Variants in MXD3 observed in about 807,000 individuals in gnomAD.
The protein encoded by MXD3 is Max-associated protein 3.
A neutral mutation model predicts 27.5 loss-of-function variants in MXD3; 20 were observed. The ratio of observed to expected loss-of-function variants is 0.73; its 90% CI spans 0.51 to 1.06. The LOEUF is 1.06. Among genes scored for constraint, MXD3 ranks in the 50% least tolerant of loss-of-function variants. The probability of loss-of-function intolerance (pLI) is 0.00; values close to 1 mark genes in which losing one functional copy is unlikely to be tolerated. For missense variants in MXD3, 298 were observed against 291.3 expected (o/e 1.02, Z -0.17); for synonymous variants, 150 against 130.7 (o/e 1.15, Z -1.01).
chr5:177,306,231 C>A (rs753970231), downstream of MXD3: 14 of 1,583,756 alleles, frequency 8.8e-6, no homozygotes, highest in African/African-American at 1.2e-4. Flanking sequence ...TTCAGCCTAG[C>A]GGGCGTGGAG....
At chr5:177,305,769 C>G, downstream of MXD3, 1 of 945,128 alleles carries the variant, frequency 1.1e-6, no homozygotes, top group Non-Finnish European at 1.6e-6. Flanking sequence ...AATGGATTTT[C>G]ATTGTATTGC....
chr5:177,312,101 G>C, upstream of MXD3: 1 of 1,156,446 alleles, frequency 8.6e-7, no homozygotes, highest in Non-Finnish European at 1.1e-6. Context: ...CCTGGCCCTG[G>C]AGCGAACCCT....
At chr5:177,306,541 A>C (rs1488252458), downstream of MXD3, 32 of 1,611,558 alleles carry the variant, frequency 2.0e-5, no homozygotes, top group South Asian at 7.7e-5. Context: ...GGCCACCAAG[A>C]AGCAGCAGCA....
chr5:177,305,928 A>G, downstream of MXD3: 1 of 1,614,126 alleles, frequency 6.2e-7, no homozygotes, highest in Non-Finnish European at 8.5e-7. Flanking sequence ...CTGGACTGAA[A>G]TCCGCCGGGA....
At chr5:177,306,302 G>T (rs542467772), downstream of MXD3, 1,329 of 1,567,834 alleles carry the variant, frequency 8.5e-4, 1 homozygote, top group Non-Finnish European at 1.1e-3. Flanking sequence ...GGGGTGGGAG[G>T]AGGGTGAATA....
At chr5:177,308,998 G>A (rs1760971468) in intron 4 of MXD3, among the ~76,000 whole-genome samples, 1 of 152,180 alleles carries the variant, frequency 6.6e-6, no homozygotes, top group Non-Finnish European at 1.5e-5. Flanking sequence ...CCATGGAGGC[G>A]TTTGGACTGG....
At position 177,307,608 on chromosome 5, in the gene MXD3, C is replaced by T. The variant is rs1043470724; in HGVS notation, c.601G>A (p.Gly201Ser). ...GAACATCATAGCCAGGCGCCGCCGCCGTGCGAGTAGCTGTGCTCCTGGCCG... is the reference window on the plus strand; with the variant it reads ...GAACATCATAGCCAGGCGCCGCCGCTGTGCGAGTAGCTGTGCTCCTGGCCG... Reference protein sequence around the residue: ...VAGQEHSYSHGGGAWL With the variant: ...VAGQEHSYSHSGGAWL The change falls in exon 6 of 6, where the codon GGC becomes AGC. Residue 201 changes from glycine (G) to serine (S), a missense_variant. Gly to Ser is a moderately conservative substitution (Grantham distance 56, BLOSUM62 0). Transcript: ENST00000439742. 9 of 1,612,804 alleles carry T rather than the reference C, an allele frequency of 5.6e-6. No homozygotes were observed. Among genetic ancestry groups the T allele is most frequent in the African/African-American group, 2.7e-5 (2 of 74,952 alleles).
chr5:177,312,423 G>A (rs924971819), upstream of MXD3: 4 of 984,776 alleles, frequency 4.1e-6, no homozygotes, highest in African/African-American at 7.0e-5. Context: ...CTCTCCCGCC[G>A]CTGATCCACA....
Position 177,310,404 on chromosome 5 carries a change from CGG to C in MXD3, c.321+20_321+21del. 2 of 1,594,536 alleles carry C rather than the reference CGG, an allele frequency of 1.3e-6. No individual in the cohort carries two copies. The highest frequency in any genetic ancestry group is 1.7e-6 in the Non-Finnish European group (2 of 1,168,550). The stretch of plus-strand genomic sequence containing the variant: ...CTCCATACACCAGGGCAAGCCAGTC[CGG>C]GCGCAGTGGGGGGCCTCACCTGGAT... On this transcript the variant is annotated intron_variant, in intron 4 of 5. Transcript: ENST00000439742.
At chr5:177,312,564 G>T, upstream of MXD3, 2 of 985,460 alleles carry the variant, frequency 2.0e-6, no homozygotes, top group Non-Finnish European at 2.4e-6. Context: ...GCCCTCCGGG[G>T]TCTGTCCCCA....
At chr5:177,306,017 G>A, downstream of MXD3, 1 of 1,605,652 alleles carries the variant, frequency 6.2e-7, no homozygotes, top group East Asian at 2.2e-5. Flanking sequence ...CTGGGGCTCT[G>A]GGACCCAGTG....
chr5:177,308,639 C>G (rs901466676), intron 4 of MXD3, among the ~76,000 whole-genome samples: 3 of 152,176 alleles, frequency 2.0e-5, no homozygotes, highest in Non-Finnish European at 2.9e-5. Context: ...TCCTAAAGTG[C>G]TGAGATTATA....
upstream of MXD3, chr5:177,312,517 C>A (rs1428558571): frequency 2.0e-6 from 2 of 985,316 alleles, no homozygotes; most frequent in African/African-American, 3.5e-5. Flanking sequence ...GGCCTCAATG[C>A]GCAGGCGCCG....
Position 177,307,578 on chromosome 5 carries a change from G to GTGAGGAACATCATAGCC in MXD3, c.614_*9dup, listed in dbSNP as rs1561594285. 6.2e-7 allele frequency: 1 copy of GTGAGGAACATCATAGCC among 1,611,886 alleles called. No homozygotes were observed. Among genetic ancestry groups the GTGAGGAACATCATAGCC allele is most frequent in the Non-Finnish European group, 8.5e-7 (1 of 1,179,774 alleles). Reference sequence around the variant, plus strand: ...AGTAGAGGGCAGAGGCCCGCCCTGGGTGAGGAACATCATAGCCAGGCGCCG... The same window carrying GTGAGGAACATCATAGCC: ...AGTAGAGGGCAGAGGCCCGCCCTGGGTGAGGAACATCATAGCCTGAGGAACATCATAGCCAGGCGCCG... On this transcript the variant is annotated 3_prime_UTR_variant, in exon 6 of 6. Transcript: ENST00000439742.
chr5:177,306,686 G>C, downstream of MXD3: 1 of 1,429,882 alleles, frequency 7.0e-7, no homozygotes, highest in Non-Finnish European at 9.4e-7. Context: ...CTACGTGGTG[G>C]GTTGTGGGGA....
downstream of MXD3, chr5:177,307,150 C>A (rs2048719668): frequency 6.5e-7 from 1 of 1,541,680 alleles, no homozygotes; most frequent in South Asian, 1.2e-5. Flanking sequence ...ATTTCCTCTT[C>A]CAGTGGGTCT....
intron 1 of MXD3, 74 bp from the exon 2 acceptor site, chr5:177,311,558 G>T: frequency 1.2e-5 from 15 of 1,278,886 alleles, no homozygotes; most frequent in Non-Finnish European, 1.6e-5. Flanking sequence ...GGCACAGCAC[G>T]GTCAAGGAAA....
chr5:177,308,521 C>T (rs761178402), intron 4 of MXD3, among the ~76,000 whole-genome samples: 8 of 152,038 alleles, frequency 5.3e-5, no homozygotes, highest in South Asian at 2.1e-4. Context: ...TACAGGGGCC[C>T]GCCACCATGC....
chr5:177,306,862 C>T (rs529059511), downstream of MXD3: 18 of 728,476 alleles, frequency 2.5e-5, no homozygotes, highest in East Asian at 1.6e-4. Flanking sequence ...ACTGTAAGCC[C>T]GACAAGGGCA....
Sources: gnomAD v4.1 joint callset for allele counts (sites outside exome capture counted in the v4.1 genomes callset) on GRCh38, gnomAD v4.1.1 for gene constraint, MANE v1.5 for transcripts, NCBI Gene and HGNC (gene_info 2026-07-23, HGNC 2026-07-21) for gene names.